Variants in C12orf42 observed in about 807,000 individuals in gnomAD.
C12orf42 encodes the protein uncharacterized protein C12orf42.
A neutral mutation model predicts 21.6 loss-of-function variants in C12orf42; 25 were observed. The observed-to-expected ratio is 1.16, with a 90% CI of 0.84 to 1.62. The LOEUF (loss-of-function observed/expected upper bound fraction) is 1.62. C12orf42 is among the 40% of genes most tolerant of loss of function. The pLI is 0.00. For synonymous variants in C12orf42, 174 were observed against 175.0 expected, an observed-to-expected ratio of 0.99 and a Z score of 0.05; for missense variants, 483 against 459.3, an observed-to-expected ratio of 1.05 and a Z score of -0.47.
chr12:103,096,432 T>C, the C12orf42 span, among the ~76,000 whole-genome samples: 1 of 152,230 alleles, frequency 6.6e-6, no homozygotes, highest in Non-Finnish European at 1.5e-5. Context: ...TAGATATTTA[T>C]TTTGGCCTTG....
At chr12:103,169,134 G>C in the C12orf42 span, among the ~76,000 whole-genome samples, 1 of 150,290 alleles carries the variant, frequency 6.7e-6, no homozygotes, top group African/African-American at 2.5e-5. Context: ...TGTTCTGCAC[G>C]GATATTCCAG....
At chr12:103,116,340 G>T in the C12orf42 span, among the ~76,000 whole-genome samples, 1 of 147,604 alleles carries the variant, frequency 6.8e-6, no homozygotes, top group Non-Finnish European at 1.5e-5. Context: ...CTCCAGCCTG[G>T]GCAACAAGAG....
intron 2 of C12orf42, among the ~76,000 whole-genome samples, chr12:103,434,644 G>A (rs566631150): frequency 1.7e-4 from 26 of 152,110 alleles, no homozygotes; most frequent in African/African-American, 4.8e-4. Flanking sequence ...GGTGACTGAC[G>A]CACCTGGAAA....
At chr12:103,400,136 G>C (rs893518574) in intron 3 of C12orf42, among the ~76,000 whole-genome samples, 1 of 152,156 alleles carries the variant, frequency 6.6e-6, no homozygotes, top group African/African-American at 2.4e-5. Flanking sequence ...AAAGAGAGAG[G>C]AAGGGATGAT....
chr12:103,053,820 C>T, the C12orf42 span, among the ~76,000 whole-genome samples: 5 of 151,896 alleles, frequency 3.3e-5, no homozygotes, highest in Non-Finnish European at 7.4e-5. Flanking sequence ...CTGTGAACGT[C>T]CACTTGCTCT....
chr12:103,539,305 G>T, the C12orf42 span, among the ~76,000 whole-genome samples: 1 of 152,126 alleles, frequency 6.6e-6, no homozygotes, highest in Non-Finnish European at 1.5e-5. Context: ...GTGTGTGTGT[G>T]TGGGTATGTG....
the C12orf42 span, among the ~76,000 whole-genome samples, chr12:103,152,427 G>A: frequency 6.6e-6 from 1 of 152,112 alleles, no homozygotes; most frequent in Non-Finnish European, 1.5e-5. Context: ...CCTGAGATCA[G>A]GAATGCATTT....
At chr12:103,205,171 T>C in the C12orf42 span, among the ~76,000 whole-genome samples, 6 of 152,296 alleles carry the variant, frequency 3.9e-5, no homozygotes, top group South Asian at 2.1e-4. Context: ...ACAAAAACAC[T>C]ATTCGTTGGA....
chr12:103,101,382 G>A, the C12orf42 span, among the ~76,000 whole-genome samples: 4 of 152,150 alleles, frequency 2.6e-5, no homozygotes, highest in Admixed American at 1.3e-4. Flanking sequence ...ATTCTCATAG[G>A]CACTTCTCCT....
At chr12:103,132,305 C>G in the C12orf42 span, among the ~76,000 whole-genome samples, 14 of 152,090 alleles carry the variant, frequency 9.2e-5, no homozygotes, top group East Asian at 9.7e-4. Context: ...AGAGAGGCAG[C>G]CTACTCTACA....
At chr12:103,543,901 TTG>T in the C12orf42 span, among the ~76,000 whole-genome samples, 58 of 134,572 alleles carry the variant, frequency 4.3e-4, 1 homozygote, top group African/African-American at 5.6e-4. Context: ...GTTTTGTTTT[TTG>T]TTTTTTTTGA....
chr12:103,350,787 A>G (rs1283414625), intron 4 of C12orf42, among the ~76,000 whole-genome samples: 2 of 151,994 alleles, frequency 1.3e-5, no homozygotes, highest in African/African-American at 4.8e-5. Context: ...CTCTCAGTCC[A>G]TTTTCTCTCT....
chr12:103,235,062 A>C (rs2033427511), downstream of C12orf42, among the ~76,000 whole-genome samples: 1 of 152,180 alleles, frequency 6.6e-6, no homozygotes, highest in Non-Finnish European at 1.5e-5. Flanking sequence ...GAAAGTGTCT[A>C]TCTGCCTGAA....
the C12orf42 span, among the ~76,000 whole-genome samples, chr12:103,516,732 G>T: frequency 6.6e-6 from 1 of 151,918 alleles, no homozygotes; most frequent in Non-Finnish European, 1.5e-5. Context: ...TTTGAGATGA[G>T]ATTTGGGTGG....
chr12:103,179,466 G>A, the C12orf42 span, among the ~76,000 whole-genome samples: 166 of 152,284 alleles, frequency 1.1e-3, 6 homozygotes, highest in Middle Eastern at 6.8e-3. Context: ...GGAAGAAGAA[G>A]CCATGTAAGA....
intron 4 of C12orf42, among the ~76,000 whole-genome samples, chr12:103,308,693 C>T (rs925591939): frequency 6.6e-6 from 1 of 152,168 alleles, no homozygotes. Context: ...GAACAAATGA[C>T]CTAGCTTGCT....
At chr12:103,527,104 G>C in the C12orf42 span, among the ~76,000 whole-genome samples, 1 of 151,842 alleles carries the variant, frequency 6.6e-6, no homozygotes, top group African/African-American at 2.4e-5. Flanking sequence ...GGTTAAATTT[G>C]GTATACATTG....
chr12:103,178,696 G>T, the C12orf42 span: 2 of 152,114 alleles, frequency 1.3e-5, no homozygotes, highest in Non-Finnish European at 2.9e-5. Context: ...TTTTCCATGT[G>T]GACAATATTT....
At chr12:103,451,405 G>A (rs1951935611) in intron 2 of C12orf42, among the ~76,000 whole-genome samples, 1 of 150,758 alleles carries the variant, frequency 6.6e-6, no homozygotes, top group Admixed American at 6.6e-5. Flanking sequence ...TGTAGAGACA[G>A]GTCTGTCTAC....
Sources: gnomAD v4.1 joint callset for allele counts (sites outside exome capture counted in the v4.1 genomes callset) on GRCh38, gnomAD v4.1.1 for gene constraint, MANE v1.5 for transcripts, NCBI Gene and HGNC (gene_info 2026-07-23, HGNC 2026-07-21) for gene names.